Variants in RSRC1 observed in about 807,000 individuals in gnomAD.
RSRC1 encodes serine/Arginine-related protein 53.
A neutral mutation model predicts 49.1 loss-of-function variants in RSRC1; 39 were observed. That is an observed-to-expected ratio of 0.79 (90% confidence interval 0.61 to 1.04). The LOEUF (loss-of-function observed/expected upper bound fraction) is 1.04, where lower values mean the gene tolerates loss of function less well. Among genes scored for constraint, RSRC1 ranks in the 50% least tolerant of loss-of-function variants. The pLI is 0.00. For missense variants in RSRC1, 388 were observed against 402.4 expected (o/e 0.96, Z 0.31); for synonymous variants, 143 against 130.8 (o/e 1.09, Z -0.63).
At chr3:158,389,284 A>T (rs2108291869) in intron 6 of RSRC1, among the ~76,000 whole-genome samples, 1 of 152,288 alleles carries the variant, frequency 6.6e-6, no homozygotes, top group Middle Eastern at 3.4e-3. Context: ...TTAGAGTAAA[A>T]CATTATTATT....
chr3:158,330,216 C>T (rs1729466556), intron 5 of RSRC1, among the ~76,000 whole-genome samples: 1 of 152,208 alleles, frequency 6.6e-6, no homozygotes, highest in South Asian at 2.1e-4. Context: ...CTTCAGCTCA[C>T]ACTAGGTGGA....
At chr3:158,492,521 T>A (rs565242879) in intron 7 of RSRC1, among the ~76,000 whole-genome samples, 1 of 151,854 alleles carries the variant, frequency 6.6e-6, no homozygotes, top group African/African-American at 2.4e-5. Context: ...TCTAAACATC[T>A]TCTTCCCCCC....
intron 5 of RSRC1, among the ~76,000 whole-genome samples, chr3:158,339,377 T>C (rs550935102): frequency 3.6e-4 from 54 of 151,928 alleles, no homozygotes; most frequent in African/African-American, 1.3e-3. Context: ...ATGTCTGTCA[T>C]GTTGTCTGGG....
intron 6 of RSRC1, among the ~76,000 whole-genome samples, chr3:158,379,192 CTTTT>C (rs768767131): frequency 0.013 from 1,191 of 93,790 alleles, 3 homozygotes; most frequent in African/African-American, 0.047. Flanking sequence ...AGAAATACCA[CTTTT>C]TTTTTTTTTT....
intron 5 of RSRC1, among the ~76,000 whole-genome samples, chr3:158,347,882 T>TA (rs1374193414): frequency 2.0e-5 from 3 of 151,544 alleles, no homozygotes; most frequent in Non-Finnish European, 4.4e-5. Flanking sequence ...TTATTTTTTT[T>TA]AAAAAAATTG....
At chr3:158,201,180 G>A (rs758451472) in intron 3 of RSRC1, among the ~76,000 whole-genome samples, 1 of 152,036 alleles carries the variant, frequency 6.6e-6, no homozygotes, top group Non-Finnish European at 1.5e-5. Context: ...TCATTCCACT[G>A]TCTTCTGATT....
rs542034491 is a variant in RSRC1 at position 158,366,366 on chromosome 3, G to A, written c.583+11458G>A. Among the ~76,000 whole-genome samples the A allele has an allele frequency of 2.2e-3, 337 of 152,230 alleles. 2 individuals are homozygous for A. Among genetic ancestry groups the A allele is most frequent in the African/African-American group, 7.8e-3 (326 of 41,546 alleles). On this transcript the variant is annotated intron_variant, in intron 6 of 9. Transcript: ENST00000611884. ...GTCCAGTTTCAGTTTTCTGCATATG[G>A]CTAGCCAGTTTTCCCAACACCATTT...
chr3:158,225,792 C>T, intron 4 of RSRC1: 1 of 391,636 alleles, frequency 2.6e-6, no homozygotes, highest in South Asian at 2.0e-5. Context: ...ACATTAATTA[C>T]CTTTAAAATA....
chr3:158,324,823 G>T (rs1728983690), intron 5 of RSRC1, among the ~76,000 whole-genome samples: 1 of 152,202 alleles, frequency 6.6e-6, no homozygotes, highest in African/African-American at 2.4e-5. Context: ...CTTCCACAAT[G>T]TTGAAGTAGT....
At chr3:158,514,661 C>T (rs1029877471) in intron 7 of RSRC1, among the ~76,000 whole-genome samples, 1 of 152,128 alleles carries the variant, frequency 6.6e-6, no homozygotes, top group East Asian at 1.9e-4. Context: ...AGTTCAATTC[C>T]TCGGTATCCT....
intron 6 of RSRC1, among the ~76,000 whole-genome samples, chr3:158,413,037 A>G (rs1734543077): frequency 6.6e-6 from 1 of 152,192 alleles, no homozygotes; most frequent in African/African-American, 2.4e-5. Context: ...TACCAAGACT[A>G]TCCTAAGCAA....
intron 7 of RSRC1, among the ~76,000 whole-genome samples, chr3:158,512,371 A>G (rs1460788643): frequency 6.9e-6 from 1 of 144,194 alleles, no homozygotes; most frequent in African/African-American, 2.6e-5. Context: ...TTAAATAGGG[A>G]ATCCTTTCCC....
At chr3:158,335,654 A>G (rs751944955) in intron 5 of RSRC1, among the ~76,000 whole-genome samples, 6 of 152,224 alleles carry the variant, frequency 3.9e-5, no homozygotes, top group African/African-American at 7.2e-5. Flanking sequence ...TTTGGAGTCA[A>G]TAGTAGTCTA....
chr3:158,284,659 T>C (rs1198272134), intron 4 of RSRC1, among the ~76,000 whole-genome samples: 2 of 150,316 alleles, frequency 1.3e-5, no homozygotes, highest in Non-Finnish European at 3.0e-5. Flanking sequence ...GTGAGCATTT[T>C]TTCATGTGGT....
intron 3 of RSRC1, among the ~76,000 whole-genome samples, chr3:158,191,490 A>G (rs1043575741): frequency 6.6e-6 from 1 of 152,070 alleles, no homozygotes; most frequent in African/African-American, 2.4e-5. Context: ...GAAACTTGAC[A>G]AATTGTTTTT....
At chr3:158,199,960 G>A (rs893652588) in intron 3 of RSRC1, among the ~76,000 whole-genome samples, 2 of 146,268 alleles carry the variant, frequency 1.4e-5, no homozygotes, top group African/African-American at 4.9e-5. Flanking sequence ...CTTAGTTTCT[G>A]AAGTATAGTT....
At chr3:158,241,690 T>A (rs1482153397) in intron 4 of RSRC1, among the ~76,000 whole-genome samples, 2 of 152,070 alleles carry the variant, frequency 1.3e-5, no homozygotes, top group Non-Finnish European at 2.9e-5. Flanking sequence ...TTTAGTAGTT[T>A]ATGATGAATG....
intron 7 of RSRC1, among the ~76,000 whole-genome samples, chr3:158,471,962 C>CA (rs1239301071): frequency 6.6e-6 from 1 of 151,832 alleles, no homozygotes. Flanking sequence ...TGTGAAACGA[C>CA]AAAAAATACT....
At chr3:158,325,079 G>GT (rs1388433518) in intron 5 of RSRC1, among the ~76,000 whole-genome samples, 1 of 152,094 alleles carries the variant, frequency 6.6e-6, no homozygotes, top group Non-Finnish European at 1.5e-5. Flanking sequence ...TGATGGGGTT[G>GT]TTTTTTTCTT....
Sources: gnomAD v4.1 joint callset for allele counts (sites outside exome capture counted in the v4.1 genomes callset) on GRCh38, gnomAD v4.1.1 for gene constraint, MANE v1.5 for transcripts, NCBI Gene and HGNC (gene_info 2026-07-23, HGNC 2026-07-21) for gene names.